BRINP3: variants seen among roughly 807,000 people sequenced by gnomAD.
BRINP3 encodes the protein BMP/retinoic acid-inducible neural-specific protein 3.
A neutral mutation model predicts 71.0 loss-of-function variants in BRINP3; 19 were observed. The ratio of observed to expected loss-of-function variants is 0.27; its 90% CI spans 0.19 to 0.39. The LOEUF is 0.39. Among genes scored for constraint, BRINP3 ranks in the 10% least tolerant of loss-of-function variants. The pLI is 1.00. For missense variants in BRINP3, 959 were observed against 940.8 expected, an observed-to-expected ratio of 1.02 and a Z score of -0.25; for synonymous variants, 380 against 337.7, an observed-to-expected ratio of 1.13 and a Z score of -1.37.
intron 1 of BRINP3, among the ~76,000 whole-genome samples, chr1:190,467,365 A>T (rs575444684): frequency 2.8e-4 from 42 of 151,602 alleles, no homozygotes; most frequent in East Asian, 3.9e-4. Context: ...TACATTTTTT[A>T]AAAAAAGGGT....
At chr1:190,439,942 A>C (rs561913459) in intron 2 of BRINP3, among the ~76,000 whole-genome samples, 1 of 152,030 alleles carries the variant, frequency 6.6e-6, no homozygotes, top group African/African-American at 2.4e-5. Flanking sequence ...ATAGTGCATT[A>C]GTTTTCACAG....
intron 2 of BRINP3, among the ~76,000 whole-genome samples, chr1:190,329,590 A>C (rs1250804727): frequency 2.0e-5 from 3 of 152,036 alleles, no homozygotes; most frequent in African/African-American, 7.2e-5. Context: ...TGATATTGTT[A>C]AAATGAACAT....
At chr1:190,206,681 A>T (rs1655529318) in intron 6 of BRINP3, among the ~76,000 whole-genome samples, 2 of 152,108 alleles carry the variant, frequency 1.3e-5, no homozygotes, top group African/African-American at 2.4e-5. Context: ...CATATCTGTT[A>T]ATACGGCTTT....
intron 1 of BRINP3, among the ~76,000 whole-genome samples, chr1:190,466,388 T>C (rs1471717935): frequency 1.3e-5 from 2 of 151,734 alleles, no homozygotes; most frequent in African/African-American, 2.4e-5. Context: ...TTAGAAGTTA[T>C]TTTCTAGAGA....
At chr1:190,470,513 A>G (rs1677065223) in intron 1 of BRINP3, among the ~76,000 whole-genome samples, 1 of 151,086 alleles carries the variant, frequency 6.6e-6, no homozygotes. Context: ...ATCTGAGTTA[A>G]TTAGGGTTTA....
At chr1:190,274,069 T>C (rs1477371608) in intron 3 of BRINP3, among the ~76,000 whole-genome samples, 1 of 151,462 alleles carries the variant, frequency 6.6e-6, no homozygotes, top group African/African-American at 2.4e-5. Flanking sequence ...GTTTGGACAG[T>C]CATCACAAAA....
At chr1:190,254,267 T>A (rs114770632) in intron 4 of BRINP3, among the ~76,000 whole-genome samples, 3,638 of 148,146 alleles carry the variant, frequency 0.025, 74 homozygotes, top group South Asian at 0.11. Context: ...TTTAATTCCA[T>A]ATGAACTTTA....
At chr1:190,177,713 C>T (rs1652671485) in intron 6 of BRINP3, among the ~76,000 whole-genome samples, 1 of 152,084 alleles carries the variant, frequency 6.6e-6, no homozygotes. Flanking sequence ...ACAATCAAGG[C>T]TAATTTTACC....
intron 2 of BRINP3, among the ~76,000 whole-genome samples, chr1:190,318,007 T>A (rs1221649586): frequency 6.6e-6 from 1 of 152,136 alleles, no homozygotes; most frequent in Non-Finnish European, 1.5e-5. Flanking sequence ...AAGTTCAATA[T>A]ATATTTGAAT....
At chr1:190,365,806 G>GTGTGTATATATATATATA (rs913644308) in intron 2 of BRINP3, among the ~76,000 whole-genome samples, 1 of 127,876 alleles carries the variant, frequency 7.8e-6, no homozygotes, top group Admixed American at 8.5e-5. Flanking sequence ...GAGAGCAAGT[G>GTGTGTATATATATATATA]TATATATATA....
chr1:190,358,227 T>G (rs1239093242), intron 2 of BRINP3, among the ~76,000 whole-genome samples: 1 of 152,096 alleles, frequency 6.6e-6, no homozygotes, highest in Non-Finnish European at 1.5e-5. Context: ...ACAGGCAACC[T>G]ACTGAATGGG....
intron 2 of BRINP3, among the ~76,000 whole-genome samples, chr1:190,407,247 A>G (rs895955243): frequency 6.6e-6 from 1 of 152,180 alleles, no homozygotes; most frequent in Non-Finnish European, 1.5e-5. Context: ...TGATCATTAT[A>G]GAATAAATTT....
At chr1:190,113,330 T>C (rs993889868) in intron 7 of BRINP3, among the ~76,000 whole-genome samples, 11 of 152,270 alleles carry the variant, frequency 7.2e-5, no homozygotes, top group Non-Finnish European at 1.6e-4. Flanking sequence ...TTCTTCTTCC[T>C]AACCATCTTT....
chr1:190,203,639 T>C (rs1467142685), intron 6 of BRINP3, among the ~76,000 whole-genome samples: 3 of 148,998 alleles, frequency 2.0e-5, no homozygotes, highest in South Asian at 2.1e-4. Flanking sequence ...GTTTTAAAGA[T>C]TGTTGAACAG....
chr1:190,162,368 C>T (rs1651076525), intron 6 of BRINP3, among the ~76,000 whole-genome samples: 1 of 151,786 alleles, frequency 6.6e-6, no homozygotes, highest in African/African-American at 2.4e-5. Flanking sequence ...AATTTTTTAG[C>T]TGACCAACAA....
At chr1:190,436,938 C>T (rs1420982155) in intron 2 of BRINP3, among the ~76,000 whole-genome samples, 2 of 151,664 alleles carry the variant, frequency 1.3e-5, no homozygotes, top group Admixed American at 6.6e-5. Context: ...AACATATAGC[C>T]TTGGGTAATA....
At chr1:190,317,775 G>C (rs1367099055) in intron 2 of BRINP3, among the ~76,000 whole-genome samples, 1 of 152,018 alleles carries the variant, frequency 6.6e-6, no homozygotes, top group Non-Finnish European at 1.5e-5. Context: ...TCACACTTAT[G>C]CTGTAAGATT....
intron 6 of BRINP3, among the ~76,000 whole-genome samples, chr1:190,189,129 A>C (rs1427903381): frequency 6.6e-6 from 1 of 151,996 alleles, no homozygotes; most frequent in African/African-American, 2.4e-5. Context: ...CTTTACCTGG[A>C]TTTGCTATAA....
chr1:190,371,042 A>G (rs946963369), intron 2 of BRINP3, among the ~76,000 whole-genome samples: 4 of 152,092 alleles, frequency 2.6e-5, no homozygotes, highest in African/African-American at 7.2e-5. Flanking sequence ...TTCAATTGCT[A>G]TTGAATTGAA....
Sources: allele counts gnomAD v4.1 joint callset (sites outside exome capture counted in the v4.1 genomes callset), GRCh38; gene constraint gnomAD v4.1.1; transcripts MANE v1.5; gene names NCBI Gene and HGNC (gene_info 2026-07-23, HGNC 2026-07-21).